CCAR1: variants seen among roughly 807,000 people sequenced by gnomAD.
CCAR1 encodes the protein cell division cycle and apoptosis regulator protein 1.
Under a neutral mutation model 163.8 loss-of-function variants are expected in CCAR1, and 78 were observed. That is an observed-to-expected ratio of 0.48 (90% CI 0.40 to 0.57). The LOEUF (loss-of-function observed/expected upper bound fraction) is 0.57. Ranked by LOEUF, CCAR1 falls within the 20% of genes least tolerant of loss-of-function variation. The pLI is 0.00. For synonymous variants in CCAR1, 443 were observed against 460.7 expected, an observed-to-expected ratio of 0.96 and a Z score of 0.49; for missense variants, 1,019 against 1,365.2, an observed-to-expected ratio of 0.75 and a Z score of 4.00.
Position 68,756,360 on chromosome 10 carries a change from A to T in CCAR1, c.1713A>T (p.Leu571Phe). 6.2e-7 allele frequency: 1 copy of T among 1,613,922 alleles called. No individual in the cohort carries two copies. The highest frequency in any genetic ancestry group is 8.5e-7 in the Non-Finnish European group (1 of 1,179,988). Residue 571 changes from leucine (L) to phenylalanine (F), a missense_variant, in exon 14 of 25, where the codon TTA (leucine) becomes TTT (phenylalanine). By Grantham distance (22) the Leu-to-Phe change is conservative. Coordinates refer to ENST00000265872, the MANE Select transcript of CCAR1 (RefSeq NM_018237.4). The surrounding 1 kb of genome is among the most constrained non-coding windows in gnomAD (Gnocchi z 5.1). Reference sequence around the variant, plus strand: ...CAGCTCATGTGGAGACAGTGGTTTTATTTTTCCCGGATGTTTGGCATTGCC... The same window carrying T: ...CAGCTCATGTGGAGACAGTGGTTTTTTTTTTCCCGGATGTTTGGCATTGCC... ...TVPAHVETVV[L>F]FFPDVWHCLP... is the part of the protein sequence containing the mutation.
At chr10:68,727,017 T>C (rs2055957826) in intron 2 of CCAR1, among the ~76,000 whole-genome samples, 1 of 148,408 alleles carries the variant, frequency 6.7e-6, no homozygotes, top group Non-Finnish European at 1.5e-5. Context: ...AATAAAAAAA[T>C]AAATTCACAG....
chr10:68,753,650 T>A (rs569568066), intron 10 of CCAR1, among the ~76,000 whole-genome samples: 1 of 152,352 alleles, frequency 6.6e-6, no homozygotes, highest in East Asian at 1.9e-4. Context: ...CTGAGAATAC[T>A]ATTTATTCAA....
chr10:68,771,368 G>GA lies in CCAR1; in HGVS notation c.2464dup (p.Thr822AsnfsTer2). 6.3e-7 allele frequency: 1 copy of GA among 1,598,492 alleles called. No homozygotes were observed. Among genetic ancestry groups the GA allele is most frequent in the Non-Finnish European group, 8.5e-7 (1 of 1,170,940 alleles). On this transcript the variant is annotated frameshift_variant, in exon 18 of 25. Transcript: ENST00000265872. LOFTEE classifies it high-confidence loss of function. ...AGATAAAAAAGAAGAAAGAGATGATGAAACTGATGAACCAAAACCCAAACG... is the reference window on the plus strand; with the variant it reads ...AGATAAAAAAGAAGAAAGAGATGATGAAAACTGATGAACCAAAACCCAAACG...
chr10:68,771,473 C>T (rs2056601415), intron 18 of CCAR1, 28 bp downstream of exon 18: 1 of 1,529,342 alleles, frequency 6.5e-7, no homozygotes, highest in Non-Finnish European at 8.9e-7. Flanking sequence ...GCTTTAGAAG[C>T]TTTCAGTTAC....
intron 19 of CCAR1, among the ~76,000 whole-genome samples, chr10:68,775,750 G>T (rs1274186847): frequency 7.3e-4 from 94 of 127,900 alleles, no homozygotes; most frequent in Non-Finnish European, 1.3e-3. Flanking sequence ...AGGCTGGAGT[G>T]CAGTGGCGCA....
chr10:68,746,491 A>C (rs569542492), intron 6 of CCAR1, among the ~76,000 whole-genome samples: 1 of 151,896 alleles, frequency 6.6e-6, no homozygotes, highest in East Asian at 1.9e-4. Flanking sequence ...TGAACTCCTT[A>C]AGTGATCTGC....
rs921715985 is a variant in CCAR1, at chr10:68,756,920, A to G, written c.1837-374A>G. On this transcript the variant is annotated intron_variant, in intron 14 of 24. Transcript: ENST00000265872. The surrounding 1 kb of genome is among the most constrained non-coding windows in gnomAD (Gnocchi z 5.1). ...TCTGAGAGATTTGAAATTTCAGGCTATGTGGCAACGTCTTTGGTACATTTC... is the reference window on the plus strand; with the variant it reads ...TCTGAGAGATTTGAAATTTCAGGCTGTGTGGCAACGTCTTTGGTACATTTC... Among the ~76,000 whole-genome samples the G allele has an allele frequency of 3.9e-5, 6 of 152,236 alleles. No individual in the cohort carries two copies. Among genetic ancestry groups the G allele is most frequent in the Admixed American group, 1.3e-4 (2 of 15,280 alleles).
At chr10:68,727,820 TA>T (rs2055970667) in intron 2 of CCAR1, among the ~76,000 whole-genome samples, 1 of 152,184 alleles carries the variant, frequency 6.6e-6, no homozygotes, top group Non-Finnish European at 1.5e-5. Context: ...TATCTTATTT[TA>T]TTTTTTTGAA....
intron 16 of CCAR1, among the ~76,000 whole-genome samples, chr10:68,764,544 A>C (rs1327548718): frequency 1.3e-5 from 2 of 152,128 alleles, no homozygotes; most frequent in African/African-American, 2.4e-5. Flanking sequence ...CAAAACAAAA[A>C]AAAAAAAGTT....
intron 16 of CCAR1, among the ~76,000 whole-genome samples, chr10:68,763,328 T>G (rs1180419650): frequency 6.6e-6 from 1 of 151,964 alleles, no homozygotes; most frequent in Non-Finnish European, 1.5e-5. Context: ...TTTTTGTATT[T>G]TTAGTAGAGA....
At chr10:68,721,639 G>T in intron 1 of CCAR1, 1 of 442,386 alleles carries the variant, frequency 2.3e-6, no homozygotes, top group Non-Finnish European at 4.5e-6. Context: ...GGCGGCGTGG[G>T]TCTTGGGGAA....
intron 19 of CCAR1, among the ~76,000 whole-genome samples, chr10:68,775,508 T>G (rs555383328): frequency 0.035 from 5,258 of 149,434 alleles, 309 homozygotes; most frequent in African/African-American, 0.12. Flanking sequence ...TTTTTTTTTT[T>G]TTTTTTGTTT....
chr10:68,754,113 T>G (rs755870548), intron 11 of CCAR1, 36 bp downstream of exon 11: 2 of 1,379,604 alleles, frequency 1.4e-6, no homozygotes, highest in Non-Finnish European at 2.0e-6. Context: ...CTTAAATTTC[T>G]TAGCAGTTAT....
At chr10:68,762,082 C>T (rs2056478676) in intron 16 of CCAR1, among the ~76,000 whole-genome samples, 1 of 151,908 alleles carries the variant, frequency 6.6e-6, no homozygotes, top group Admixed American at 6.6e-5. Context: ...GTAATCCCAG[C>T]ACTTTGGGAG....
intron 4 of CCAR1, among the ~76,000 whole-genome samples, chr10:68,739,391 C>T (rs2056154016): frequency 6.6e-6 from 1 of 152,054 alleles, no homozygotes; most frequent in Non-Finnish European, 1.5e-5. Flanking sequence ...CTTTGTGATC[C>T]ACCCACCTTG....
At chr10:68,754,253 T>C (rs2056371927) in intron 11 of CCAR1, among the ~76,000 whole-genome samples, 176 bp downstream of exon 11, 2 of 152,240 alleles carry the variant, frequency 1.3e-5, no homozygotes, top group South Asian at 4.1e-4. Flanking sequence ...CTTTGCCTCA[T>C]CTCTTGAGCT....
intron 2 of CCAR1, among the ~76,000 whole-genome samples, chr10:68,734,587 G>GC (rs1174322027): frequency 6.6e-6 from 1 of 151,678 alleles, no homozygotes; most frequent in African/African-American, 2.4e-5. Context: ...ACCTCTGCCC[G>GC]CCCCCGGGTT....
At chr10:68,766,231 T>G in intron 17 of CCAR1, 152 bp downstream of exon 17, 1 of 594,962 alleles carries the variant, frequency 1.7e-6, no homozygotes, top group Non-Finnish European at 2.9e-6. Context: ...GAGACAGAGT[T>G]TCACTCTGTT....
intron 17 of CCAR1, among the ~76,000 whole-genome samples, chr10:68,769,419 A>G (rs193269841): frequency 3.7e-4 from 56 of 152,204 alleles, no homozygotes; most frequent in Middle Eastern, 3.4e-3. Context: ...TCAGGAGTTC[A>G]AGACCAGCCT....
Sources: gnomAD v4.1 joint callset for allele counts (sites outside exome capture counted in the v4.1 genomes callset) on GRCh38, gnomAD v4.1.1 for gene constraint, Gnocchi (gnomAD v3.1) non-coding constraint, MANE v1.5 for transcripts, NCBI Gene and HGNC (gene_info 2026-07-23, HGNC 2026-07-21) for gene names.